The following SLC41A1 variants were observed in gnomAD, a reference collection of about 807,000 sequenced individuals.
The protein encoded by SLC41A1 is solute carrier family 41 member 1.
A neutral mutation model predicts 47.3 loss-of-function variants in SLC41A1; 20 were observed. The observed-to-expected ratio is 0.42, with a 90% CI of 0.30 to 0.61. The LOEUF (loss-of-function observed/expected upper bound fraction) is 0.61, where lower values mean the gene tolerates loss of function less well. SLC41A1 is among the 20% of genes least tolerant of loss of function. SLC41A1 has a pLI of 0.17. For synonymous variants in SLC41A1, 282 were observed against 272.7 expected (o/e 1.03, Z -0.34); for missense variants, 504 against 674.1 (o/e 0.75, Z 2.79).
chr1:205,801,146 C>T (rs911617237), intron 2 of SLC41A1, 86 bp from the exon 3 acceptor site: 12 of 1,074,246 alleles, frequency 1.1e-5, no homozygotes, highest in East Asian at 4.8e-5. Flanking sequence ...ATCAGGGGCT[C>T]GAGGAGGAAA....
intron 9 of SLC41A1, 88 bp downstream of exon 9, chr1:205,795,256 A>C (rs1655718822): frequency 6.3e-7 from 1 of 1,596,194 alleles, no homozygotes. Context: ...GAACCTGTGG[A>C]TCTGGGGCCC....
rs1655725183 is a variant in SLC41A1 at position 205,795,396 on chromosome 1, A to G, written c.1155T>C (p.Ser385=). ...LHMNGMPGEN[S]EQAPRRCPSP... ...TGGGACAGCGGCGAGGAGCTTGCTC[A>G]GAGTTCTCTCCGGGCATTCCATTCA... Residue 385 remains serine (S), a synonymous_variant, in exon 9 of 11, where the codon TCT becomes TCC. Transcript: ENST00000367137. The G allele has an allele frequency of 6.2e-7, 1 of 1,614,238 alleles. No homozygotes were observed. Among genetic ancestry groups the G allele is most frequent in the East Asian group, 2.2e-5 (1 of 44,882 alleles).
intron 2 of SLC41A1, among the ~76,000 whole-genome samples, chr1:205,802,771 GATAAA>G (rs1270434373): frequency 1.8e-5 from 2 of 112,494 alleles, no homozygotes; most frequent in Non-Finnish European, 3.4e-5. Context: ...AAATAAAATA[GATAAA>G]ATAAAGTTGA....
At chr1:205,803,389 A>G (rs577962972) in intron 2 of SLC41A1, among the ~76,000 whole-genome samples, 3 of 152,370 alleles carry the variant, frequency 2.0e-5, no homozygotes, top group African/African-American at 7.2e-5. Flanking sequence ...GTAGCACTAT[A>G]TGTAATAACC....
chr1:205,795,468 G>A lies in SLC41A1; in HGVS notation c.1083C>T (p.Gly361=). ...VFTPVINGVG[G]NLVAVQASRI... Reference sequence around the variant, plus strand: ...GGCTGGCCTGCACTGCCACCAGATTGCCCCCAACACCTGCAGAGACACATA... The same window carrying A: ...GGCTGGCCTGCACTGCCACCAGATTACCCCCAACACCTGCAGAGACACATA... Residue 361 remains glycine, a synonymous_variant, in exon 9 of 11, where the codon GGC becomes GGT. Transcript: ENST00000367137. 6.2e-7 allele frequency: 1 copy of A among 1,614,174 alleles called. No homozygotes were observed. The highest frequency in any genetic ancestry group is 8.5e-7 in the Non-Finnish European group (1 of 1,180,036).
At position 205,797,804 on chromosome 1, in the gene SLC41A1, T is replaced by G. The variant is rs114281298; in HGVS notation, c.992+100A>C. The stretch of plus-strand genomic sequence containing the variant: ...GTGACTGAAACACTAATGAACACAT[T>G]TCTAGGGTCTGACCCCCACCCCATC... On this transcript the variant is annotated intron_variant, in intron 7 of 10. Coordinates refer to ENST00000367137, the MANE Select transcript of SLC41A1 (RefSeq NM_173854.6). 9.7e-4 allele frequency: 1,411 copies of G among 1,454,976 alleles called. 8 individuals are homozygous for G. In the African/African-American group the frequency reaches 0.018, roughly 18 times the overall value. 90.1% of individuals were successfully genotyped at this position (1,454,976 alleles called of 1,614,324 possible).
At chr1:205,792,612 G>T (rs1285621603) in intron 10 of SLC41A1, among the ~76,000 whole-genome samples, 1 of 152,200 alleles carries the variant, frequency 6.6e-6, no homozygotes, top group Admixed American at 6.5e-5. Context: ...CATTTAACAA[G>T]ATTTACATGC....
intron 1 of SLC41A1, 161 bp downstream of exon 1, chr1:205,812,647 C>T: frequency 1.5e-6 from 1 of 688,064 alleles, no homozygotes; most frequent in East Asian, 1.3e-4. Flanking sequence ...CAGGCGGGGA[C>T]AAAAAAGACC....
chr1:205,795,306 CT>C lies in SLC41A1; in HGVS notation c.1207+37del, dbSNP rs753354126. 4 of 1,614,074 alleles carry C rather than the reference CT, an allele frequency of 2.5e-6. No individual in the cohort carries two copies. The South Asian group carries it at 4.4e-5, about 18-fold the overall frequency. Reference sequence around the variant, plus strand: ...GTGAAGCTCACTGACAGTAGGCCCACTCCCCCCAGGGCTGGGAGGCTGGGAA... The same window carrying C: ...GTGAAGCTCACTGACAGTAGGCCCACCCCCCCAGGGCTGGGAGGCTGGGAA... On this transcript the variant is annotated intron_variant, in intron 9 of 10. Coordinates refer to ENST00000367137, the MANE Select transcript of SLC41A1 (RefSeq NM_173854.6).
At chr1:205,800,851 G>T in intron 3 of SLC41A1, 102 bp downstream of exon 3, 2 of 1,110,038 alleles carry the variant, frequency 1.8e-6, no homozygotes, top group African/African-American at 1.5e-5. Context: ...CCACACTCCA[G>T]GCCTGGGCAG....
intron 8 of SLC41A1, chr1:205,796,675 C>T: frequency 1.7e-6 from 1 of 574,560 alleles, no homozygotes. Flanking sequence ...TATGATACTC[C>T]CCTTGACCCT....
At chr1:205,800,252 G>C (rs1655849248) in intron 3 of SLC41A1, among the ~76,000 whole-genome samples, 3 of 152,230 alleles carry the variant, frequency 2.0e-5, no homozygotes, top group African/African-American at 7.2e-5. Flanking sequence ...ATTTGGGAAG[G>C]AGTGGGTGGC....
intron 10 of SLC41A1, among the ~76,000 whole-genome samples, chr1:205,792,757 G>A (rs184487055): frequency 2.6e-5 from 4 of 152,234 alleles, no homozygotes; most frequent in East Asian, 3.9e-4. Context: ...AGATTCTGAC[G>A]GTCAAGCTCT....
In SLC41A1 at chr1:205,796,960, A is replaced by G; in HGVS notation, c.1036T>C (p.Phe346Leu). ...GGCGTGAAGACAGCCATCCCAGCAA[A>G]GTTGGGGTCTGAGACAGTCTTGTCC... ...ILDKTVSDPNFAGMAVFTPVI... is the reference protein window; with the variant it reads ...ILDKTVSDPNLAGMAVFTPVI... The change falls in exon 8 of 11, where the codon TTT becomes CTT. Residue 346 changes from phenylalanine to leucine, a missense_variant. By Grantham distance (22) the Phe-to-Leu change is conservative. Around this residue, in one of 2 missense-constraint regions of SLC41A1, gnomAD observed 421 missense variants for 601.6 expected, o/e 0.70. Coordinates refer to ENST00000367137, the MANE Select transcript of SLC41A1 (RefSeq NM_173854.6). 6.2e-7 allele frequency: 1 copy of G among 1,613,458 alleles called. No homozygotes were observed. Among genetic ancestry groups the G allele is most frequent in the Non-Finnish European group, 8.5e-7 (1 of 1,179,798 alleles).
chr1:205,799,252 T>C, intron 4 of SLC41A1, 151 bp from the exon 5 acceptor site: 1 of 1,068,192 alleles, frequency 9.4e-7, no homozygotes, highest in Non-Finnish European at 1.4e-6. Context: ...GCTGGAAGGA[T>C]GTCTTTATTT....
chr1:205,809,881 C>T (rs1244635500), intron 2 of SLC41A1, among the ~76,000 whole-genome samples, 189 bp downstream of exon 2: 5 of 152,162 alleles, frequency 3.3e-5, no homozygotes, highest in African/African-American at 9.7e-5. Flanking sequence ...CAGGGCTACT[C>T]GGTTTCCTTG....
intron 7 of SLC41A1, among the ~76,000 whole-genome samples, chr1:205,797,618 T>C (rs1655779481): frequency 6.6e-6 from 1 of 152,238 alleles, no homozygotes; most frequent in Non-Finnish European, 1.5e-5. Flanking sequence ...CTGTAGGCCA[T>C]GACAGAGAAG....
intron 2 of SLC41A1, among the ~76,000 whole-genome samples, chr1:205,803,924 GTAGTCA>G (rs1655951512): frequency 2.0e-5 from 3 of 152,046 alleles, no homozygotes; most frequent in Admixed American, 6.6e-5. Context: ...CCCAGCCTAA[GTAGTCA>G]AATTCATAGA....
At chr1:205,804,073 T>C (rs1655956390) in intron 2 of SLC41A1, among the ~76,000 whole-genome samples, 1 of 152,088 alleles carries the variant, frequency 6.6e-6, no homozygotes, top group South Asian at 2.1e-4. Context: ...TGAATATACG[T>C]AGTACTATTG....
Sources: allele counts gnomAD v4.1 joint callset (sites outside exome capture counted in the v4.1 genomes callset), GRCh38; gene constraint gnomAD v4.1.1; regional missense constraint gnomAD v4.1.1; transcripts MANE v1.5; gene names NCBI Gene and HGNC (gene_info 2026-07-23, HGNC 2026-07-21).